RGMA: variants seen among roughly 807,000 people sequenced by gnomAD.
The protein encoded by RGMA is repulsive guidance molecule A.
A neutral mutation model predicts 23.2 loss-of-function variants in RGMA; 10 were observed. That is an observed-to-expected ratio of 0.43 (90% CI 0.27 to 0.73). The LOEUF (loss-of-function observed/expected upper bound fraction) is 0.73. Among genes scored for constraint, RGMA ranks in the 30% least tolerant of loss-of-function variants. The pLI is 0.20. For missense variants in RGMA, 547 were observed against 630.5 expected (o/e 0.87, Z 1.42); for synonymous variants, 308 against 279.3 (o/e 1.10, Z -1.03).
intron 2 of RGMA, among the ~76,000 whole-genome samples, chr15:93,059,000 C>T (rs1468524750): frequency 7.9e-6 from 1 of 126,860 alleles, no homozygotes; most frequent in Non-Finnish European, 1.7e-5. Flanking sequence ...ACATTGCTTT[C>T]CTGTTGGATC....
At chr15:93,085,113 C>G (rs1383658236) in intron 1 of RGMA, among the ~76,000 whole-genome samples, 1 of 151,306 alleles carries the variant, frequency 6.6e-6, no homozygotes, top group Non-Finnish European at 1.5e-5. Context: ...CAGAATATCT[C>G]TGTTTCACAA....
chr15:93,065,985 G>A (rs1252126666), intron 2 of RGMA: 16 of 1,168,642 alleles, frequency 1.4e-5, no homozygotes, highest in Admixed American at 1.3e-4. Flanking sequence ...GCCGCTGCGC[G>A]GAGTCTTTGG....
chr15:93,059,088 G>A (rs4777760), intron 2 of RGMA, among the ~76,000 whole-genome samples: 76,537 of 151,936 alleles, frequency 0.5, 19,699 homozygotes, highest in East Asian at 0.82. Context: ...GGGCTCGAGC[G>A]GGCCTGGGTC....
At chr15:93,073,727 T>TC (rs1895417824) in intron 1 of RGMA, 1 of 1,537,164 alleles carries the variant, frequency 6.5e-7, no homozygotes. Flanking sequence ...ACCTCGAGGT[T>TC]CCCGCCCGTC....
In RGMA at chr15:93,045,771, A is replaced by C; in HGVS notation, c.646-66T>G. On this transcript the variant is annotated intron_variant, in intron 3 of 3. Transcript: ENST00000329082. This position sits in a 1 kb window ranked among gnomAD's most constrained non-coding sequence, Gnocchi z 6.9. ...TGGGAGGAGGCACAGCCCCACACTT[A>C]AGATGCTCTAGACTGAGAGGAGGGC... 8.5e-7 allele frequency: 1 copy of C among 1,180,488 alleles called. No individual in the cohort carries two copies. The highest frequency in any genetic ancestry group is 1.2e-6 in the Non-Finnish European group (1 of 810,208). 73.1% of individuals were successfully genotyped at this position (1,180,488 alleles called of 1,614,324 possible).
intron 2 of RGMA, chr15:93,066,204 A>G: frequency 7.0e-7 from 1 of 1,419,310 alleles, no homozygotes; most frequent in Non-Finnish European, 9.9e-7. Context: ...CAAATTCCAC[A>G]GTCTCCTCAT....
At chr15:93,056,566 T>C (rs115279210) in intron 2 of RGMA, among the ~76,000 whole-genome samples, 62 of 152,274 alleles carry the variant, frequency 4.1e-4, no homozygotes, top group African/African-American at 1.5e-3. Flanking sequence ...TCTGGAACCG[T>C]TGCACACAGG....
At chr15:93,087,479 A>AAAAAAC (rs1895656457) in intron 1 of RGMA, among the ~76,000 whole-genome samples, 1 of 150,902 alleles carries the variant, frequency 6.6e-6, no homozygotes, top group Non-Finnish European at 1.5e-5. Flanking sequence ...AAAAAAAAAA[A>AAAAAAC]AAAAACCACA....
Position 93,045,852 on chromosome 15 carries a change from G to A in RGMA, c.646-147C>T, listed in dbSNP as rs1003681510. 8.1e-6 allele frequency: 5 copies of A among 615,398 alleles called. No individual in the cohort carries two copies. The highest frequency in any genetic ancestry group is 1.4e-5 in the Non-Finnish European group (5 of 348,568). The allele number at this position is 615,398 out of a possible 1,614,324, so 38.1% of individuals were successfully genotyped here. A position where few individuals can be genotyped will look rare whatever the true frequency, so the allele number is the denominator to read the frequency against. ...TCCCTTCTCCAGGTTGGACAGATCA[G>A]TTCCACCTGCGCAGCTGTGCACTTC... On this transcript the variant is annotated intron_variant, in intron 3 of 3. Transcript: ENST00000329082. This position sits in a 1 kb window ranked among gnomAD's most constrained non-coding sequence, Gnocchi z 6.9.
intron 2 of RGMA, among the ~76,000 whole-genome samples, chr15:93,070,513 C>T (rs1251506286): frequency 3.9e-5 from 6 of 152,322 alleles, no homozygotes; most frequent in Non-Finnish European, 5.9e-5. Flanking sequence ...CATTCCTAAG[C>T]GGCCCCTCTC....
intron 2 of RGMA, chr15:93,065,714 G>T: frequency 8.4e-7 from 1 of 1,197,164 alleles, no homozygotes. Context: ...GGGCCCTGGG[G>T]CTCAGGCCGG....
At chr15:93,062,177 G>A (rs778229725) in intron 2 of RGMA, among the ~76,000 whole-genome samples, 2 of 152,196 alleles carry the variant, frequency 1.3e-5, no homozygotes, top group Non-Finnish European at 2.9e-5. Flanking sequence ...TGTGGCCTGC[G>A]TGGGAACTGC....
intron 2 of RGMA, among the ~76,000 whole-genome samples, chr15:93,069,218 T>C (rs532002217): frequency 6.6e-6 from 1 of 152,334 alleles, no homozygotes; most frequent in Non-Finnish European, 1.5e-5. Flanking sequence ...CGGGCGATTC[T>C]CCTGCCTCAG....
At position 93,039,080 on chromosome 15, in the gene RGMA, G is replaced by A. The variant is rs4778072; in HGVS notation, c.*5918C>T. The A allele has an allele frequency of 0.18, 27,590 of 152,164 alleles. 2,844 individuals carry two copies. Among genetic ancestry groups the A allele is most frequent in the South Asian group, 0.31 (1,499 of 4,832 alleles). The allele number at this position is 152,164 out of a possible 1,614,324, so 9.4% of individuals were successfully genotyped here. On this transcript the variant is annotated 3_prime_UTR_variant, in exon 4 of 4. Coordinates refer to ENST00000329082, the MANE Select transcript of RGMA (RefSeq NM_020211.3). ...AAAGCGGGCAGAGGAATGTGGAAGG[G>A]CTAGACTGGACGAGTCTTCTGGCCT...
Position 93,052,233 on chromosome 15 carries a change from G to A in RGMA, c.405C>T (p.Ser135=). The change falls in exon 3 of 4, where the codon AGC becomes AGT. Residue 135 remains serine, a synonymous_variant. Coordinates refer to ENST00000329082, the MANE Select transcript of RGMA (RefSeq NM_020211.3). ...RLRTLPPAGD[S]QERSDSPEIC... ...TCTCGGGGCTGTCCGAGCGCTCCTGGCTGTCTCCGGCCGGTGGGAGCGTGC... is the reference window on the plus strand; with the variant it reads ...TCTCGGGGCTGTCCGAGCGCTCCTGACTGTCTCCGGCCGGTGGGAGCGTGC... The A allele has an allele frequency of 6.2e-7, 1 of 1,607,630 alleles. No individual in the cohort carries two copies.
chr15:93,073,127 C>T (rs1896492709), intron 1 of RGMA, 96 bp from the exon 2 acceptor site: 1 of 1,306,340 alleles, frequency 7.7e-7, no homozygotes, highest in South Asian at 2.4e-5. Context: ...CCGGGAGGCT[C>T]CGTCCACCTC....
intron 3 of RGMA, among the ~76,000 whole-genome samples, chr15:93,047,716 C>A (rs1390161893): frequency 6.6e-6 from 1 of 152,196 alleles, no homozygotes; most frequent in Non-Finnish European, 1.5e-5. Flanking sequence ...ACATGCACAG[C>A]CGTTCTCTGC....
At chr15:93,054,736 C>T (rs976300013) in intron 2 of RGMA, among the ~76,000 whole-genome samples, 22 of 152,144 alleles carry the variant, frequency 1.4e-4, no homozygotes, top group Admixed American at 6.5e-5. Context: ...GTGGTAGATA[C>T]GTGGGGGGCA....
At chr15:93,068,671 G>A (rs969242041) in intron 2 of RGMA, among the ~76,000 whole-genome samples, 4 of 152,212 alleles carry the variant, frequency 2.6e-5, no homozygotes, top group Non-Finnish European at 4.4e-5. Flanking sequence ...TGCAGGTGCC[G>A]TCACACACTG....
Sources: allele counts gnomAD v4.1 joint callset (sites outside exome capture counted in the v4.1 genomes callset), GRCh38; gene constraint gnomAD v4.1.1; non-coding constraint Gnocchi (gnomAD v3.1); transcripts MANE v1.5; gene names NCBI Gene and HGNC (gene_info 2026-07-23, HGNC 2026-07-21).